RAB6A: variants seen among roughly 807,000 people sequenced by gnomAD.
RAB6A encodes RAB6A, member RAS oncogene family, also known as ras-related protein Rab-6A.
Under a neutral mutation model 32.3 loss-of-function variants are expected in RAB6A, and 8 were observed. That is an observed-to-expected ratio of 0.25 (90% CI 0.15 to 0.45). The LOEUF (loss-of-function observed/expected upper bound fraction) is 0.45. Among genes scored for constraint, RAB6A ranks in the 20% least tolerant of loss-of-function variants. The probability of loss-of-function intolerance (pLI) is 1.00; values close to 1 mark genes in which losing one functional copy is unlikely to be tolerated. For synonymous variants in RAB6A, 73 were observed against 82.1 expected, an observed-to-expected ratio of 0.89 and a Z score of 0.60; for missense variants, 104 against 249.4, an observed-to-expected ratio of 0.42 and a Z score of 3.93.
chr11:73,695,454 A>ACTGCAACC (rs1291514748), intron 6 of RAB6A, among the ~76,000 whole-genome samples: 1 of 151,670 alleles, frequency 6.6e-6, no homozygotes, highest in Non-Finnish European at 1.5e-5. Context: ...ATCTCGGCTC[A>ACTGCAACC]CTGCAACCTC....
At chr11:73,728,013 G>A (rs1946247923) in intron 2 of RAB6A, among the ~76,000 whole-genome samples, 1 of 152,074 alleles carries the variant, frequency 6.6e-6, no homozygotes. Flanking sequence ...TAACAAGGCA[G>A]TTTAAATCTA....
intron 1 of RAB6A, among the ~76,000 whole-genome samples, chr11:73,757,098 C>CATATACATAT (rs1555070081): frequency 2.7e-5 from 1 of 37,668 alleles, no homozygotes; most frequent in African/African-American, 1.1e-4. Flanking sequence ...AATATACATA[C>CATATACATAT]ATATATATAT....
chr11:73,752,992 C>T (rs1946690677), intron 1 of RAB6A, among the ~76,000 whole-genome samples: 1 of 152,130 alleles, frequency 6.6e-6, no homozygotes, highest in Non-Finnish European at 1.5e-5. Context: ...GTGGTGCATG[C>T]CTGTAATTCC....
At chr11:73,725,841 A>G (rs867162425) in intron 2 of RAB6A, among the ~76,000 whole-genome samples, 2 of 152,210 alleles carry the variant, frequency 1.3e-5, no homozygotes, top group Admixed American at 6.5e-5. Flanking sequence ...CAGAAGACAC[A>G]GGACCAGATG....
At chr11:73,734,835 G>C (rs1005048609) in intron 1 of RAB6A, among the ~76,000 whole-genome samples, 3 of 152,144 alleles carry the variant, frequency 2.0e-5, no homozygotes, top group Admixed American at 2.0e-4. Flanking sequence ...AAAGTAGGTA[G>C]GAACAAGACA....
At chr11:73,722,343 A>ATATTTT (rs1946154425) in intron 2 of RAB6A, 1 of 15,360 alleles carries the variant, frequency 6.5e-5, no homozygotes, top group African/African-American at 2.7e-4. Context: ...ATATATATAT[A>ATATTTT]TTTTTTTTTT....
At chr11:73,688,363 AAGTC>A (rs1437044330) in intron 6 of RAB6A, among the ~76,000 whole-genome samples, 2 of 152,122 alleles carry the variant, frequency 1.3e-5, no homozygotes, top group African/African-American at 4.8e-5. Context: ...CTGTCTCTTG[AAGTC>A]CTATTTACCA....
chr11:73,693,219 C>T (rs1342169452), intron 6 of RAB6A, among the ~76,000 whole-genome samples: 1 of 151,804 alleles, frequency 6.6e-6, no homozygotes, highest in African/African-American at 2.4e-5. Context: ...ACCTGGGAGG[C>T]AGAGGTTGCA....
In RAB6A at chr11:73,730,774, G is replaced by A. The variant is rs944819149; in HGVS notation, c.120C>T (p.Asn40=). Residue 40 remains asparagine (N), a synonymous_variant, in exon 2 of 8, where the codon AAC becomes AAT. Transcript: ENST00000336083. ...ITRFMYDSFD[N]TYQATIGIDF... ...GGCAAAAACAAAATACCTGATAGGTGTTGTCAAAACTGTCATACATGAATC... is the reference window on the plus strand; with the variant it reads ...GGCAAAAACAAAATACCTGATAGGTATTGTCAAAACTGTCATACATGAATC... 1.3e-6 allele frequency: 2 copies of A among 1,599,924 alleles called. No individual in the cohort carries two copies. Among genetic ancestry groups the A allele is most frequent in the South Asian group, 2.3e-5 (2 of 87,810 alleles).
chr11:73,753,782 G>T (rs972476437), intron 1 of RAB6A, among the ~76,000 whole-genome samples: 1 of 151,816 alleles, frequency 6.6e-6, no homozygotes, highest in Non-Finnish European at 1.5e-5. Flanking sequence ...CAAAGTGCTG[G>T]GATTACAGGC....
intron 1 of RAB6A, among the ~76,000 whole-genome samples, chr11:73,737,994 C>A (rs369468511): frequency 5.9e-3 from 587 of 99,636 alleles, no homozygotes; most frequent in Non-Finnish European, 6.2e-3. Context: ...GACTCCATCT[C>A]AAAAAAAAAA....
chr11:73,682,226 G>A (rs975719314), intron 6 of RAB6A, among the ~76,000 whole-genome samples: 2 of 152,120 alleles, frequency 1.3e-5, no homozygotes, highest in African/African-American at 4.8e-5. Context: ...GGAAGCCTGG[G>A]GTGGGAAAAT....
intron 2 of RAB6A, among the ~76,000 whole-genome samples, chr11:73,724,425 A>G (rs957654248): frequency 6.6e-6 from 1 of 151,708 alleles, no homozygotes; most frequent in Non-Finnish European, 1.5e-5. Flanking sequence ...GCAGCTAGGT[A>G]GTACTATAAA....
chr11:73,722,339 A>ATTTTTTTTTT (rs1946153350), intron 2 of RAB6A: 1 of 10,676 alleles, frequency 9.4e-5, no homozygotes, highest in African/African-American at 2.1e-4. Context: ...ATATATATAT[A>ATTTTTTTTTT]TATATTTTTT....
chr11:73,709,260 C>T (rs1945900707), intron 5 of RAB6A, among the ~76,000 whole-genome samples: 3 of 151,770 alleles, frequency 2.0e-5, no homozygotes, highest in Non-Finnish European at 4.4e-5. Context: ...ATTCCAATGT[C>T]CTTTATAGCA....
At chr11:73,700,808 A>G (rs979011186) in intron 6 of RAB6A, among the ~76,000 whole-genome samples, 2 of 152,204 alleles carry the variant, frequency 1.3e-5, no homozygotes, top group African/African-American at 4.8e-5. Context: ...AATGACAACA[A>G]TCTTCTGTAA....
chr11:73,737,994 C>CAAAAAAAAAAAAAAAAAAAAAAAAAAA (rs57456237), intron 1 of RAB6A, among the ~76,000 whole-genome samples: 1 of 99,730 alleles, frequency 1.0e-5, no homozygotes, highest in African/African-American at 4.1e-5. Flanking sequence ...GACTCCATCT[C>CAAAAAAAAAAAAAAAAAAAAAAAAAAA]AAAAAAAAAA....
chr11:73,702,663 TA>T (rs1432688188), intron 6 of RAB6A, among the ~76,000 whole-genome samples: 2 of 152,178 alleles, frequency 1.3e-5, no homozygotes, highest in African/African-American at 4.8e-5. Flanking sequence ...ATAACAGAAT[TA>T]AATTAGAAGC....
intron 1 of RAB6A, among the ~76,000 whole-genome samples, chr11:73,749,945 G>C (rs1590891829): frequency 6.6e-6 from 1 of 152,138 alleles, no homozygotes; most frequent in East Asian, 1.9e-4. Context: ...AGAATCACTT[G>C]AGCTCAGGAG....
Sources: allele counts gnomAD v4.1 joint callset (sites outside exome capture counted in the v4.1 genomes callset), GRCh38; gene constraint gnomAD v4.1.1; transcripts MANE v1.5; gene names NCBI Gene and HGNC (gene_info 2026-07-23, HGNC 2026-07-21).